CCDC157: variants seen among roughly 807,000 people sequenced by gnomAD.
CCDC157 encodes coiled-coil domain containing 157.
In CCDC157, 60 loss-of-function variants were observed where a neutral mutation model predicts 70.9. The observed-to-expected ratio is 0.85, with a 90% CI of 0.69 to 1.05. CCDC157 has a LOEUF of 1.05. CCDC157 is among the 50% of genes least tolerant of loss of function. CCDC157 has a pLI of 0.00. For missense variants in CCDC157, 943 were observed against 984.2 expected (o/e 0.96, Z 0.56); for synonymous variants, 373 against 422.4 (o/e 0.88, Z 1.43).
chr22:30,373,467 C>T (rs933821874), intron 7 of CCDC157, 130 bp from the exon 8 acceptor site: 1 of 1,004,336 alleles, frequency 1.0e-6, no homozygotes, highest in South Asian at 1.6e-5. Context: ...CCAGCATTCC[C>T]TAGACACAGA....
chr22:30,372,025 G>A (rs751003621), intron 6 of CCDC157, 50 bp from the exon 7 acceptor site: 3 of 1,270,728 alleles, frequency 2.4e-6, no homozygotes, highest in Non-Finnish European at 3.3e-6. Flanking sequence ...GTCTGAGGTA[G>A]TACAGCGCTC....
chr22:30,371,409 G>A, intron 5 of CCDC157: 1 of 559,140 alleles, frequency 1.8e-6, no homozygotes, highest in African/African-American at 1.9e-5. Context: ...CCTCATCACA[G>A]TTGCCTCCAT....
upstream of CCDC157, chr22:30,356,895 GGCGGCCGAGCGAGTT>G (rs1428275148): frequency 3.2e-5 from 34 of 1,066,508 alleles, no homozygotes; most frequent in Non-Finnish European, 3.6e-5. Context: ...GCAAGATGGC[GGCGGCCGAGCGAGTT>G]GCGGCCGCGA....
At chr22:30,356,898 G>T (rs1397214671), upstream of CCDC157, 2 of 1,035,826 alleles carry the variant, frequency 1.9e-6, no homozygotes, top group Non-Finnish European at 2.5e-6. Context: ...AGATGGCGGC[G>T]GCCGAGCGAG....
rs769007761 is a variant in CCDC157 at position 30,369,574 on chromosome 22, G to A, written c.391G>A (p.Gly131Ser). 15 of 1,587,082 alleles carry A rather than the reference G, an allele frequency of 9.5e-6. No individual in the cohort carries two copies. In the Admixed American group the frequency reaches 2.5e-4, roughly 26 times the overall value. Residue 131 changes from glycine to serine, a missense_variant, in exon 4 of 12, where the codon GGC (glycine) becomes AGC (serine). Gly to Ser is a moderately conservative substitution (Grantham distance 56). Transcript: ENST00000338306. ...CTTCTGGGACAGCCTGCTGAGGCTGGGCACGCTCCACCAGCAGCCACTCCC... is the reference window on the plus strand; with the variant it reads ...CTTCTGGGACAGCCTGCTGAGGCTGAGCACGCTCCACCAGCAGCCACTCCC... ...RRFWDSLLRL[G>S]TLHQQPLPQK... is the part of the protein sequence containing the mutation.
At chr22:30,369,940 G>A in intron 4 of CCDC157, 1 of 460,226 alleles carries the variant, frequency 2.2e-6, no homozygotes, top group Non-Finnish European at 3.9e-6. Context: ...ACCACCCACT[G>A]GGGAAGAACC....
chr22:30,378,154 C>A lies in CCDC157; in HGVS notation c.*1409C>A. 2.1e-6 allele frequency: 1 copy of A among 471,086 alleles called. No individual in the cohort carries two copies. Among genetic ancestry groups the A allele is most frequent in the Non-Finnish European group, 4.4e-6 (1 of 227,004 alleles). 29.2% of individuals were successfully genotyped at this position (471,086 alleles called of 1,614,324 possible). A position where few individuals can be genotyped will look rare whatever the true frequency, so the allele number is the denominator to read the frequency against. On this transcript the variant is annotated 3_prime_UTR_variant, in exon 12 of 12. Coordinates refer to ENST00000338306, the MANE Select transcript of CCDC157 (RefSeq NM_001017437.5). Reference sequence around the variant, plus strand: ...GGGGCTCCCTCCATCTTCAAGTCAACAACAGAGGATTTCTCATGTGCTGAA... The same window carrying A: ...GGGGCTCCCTCCATCTTCAAGTCAAAAACAGAGGATTTCTCATGTGCTGAA...
In CCDC157 at chr22:30,376,304, C is replaced by A; in HGVS notation, c.1903C>A (p.Gln635Lys). ...CTGGTCCCCTTCCAGCAAGGGAACC[C>A]AGGGAGCAACACCACCAGTCCAGGC... ...RLWSPSSKGT[Q>K]GATPPVQAKS... Residue 635 changes from glutamine (Q) to lysine (K), a missense_variant, in exon 11 of 12, where the codon CAG becomes AAG. By Grantham distance (53) the Gln-to-Lys change is moderately conservative. Transcript: ENST00000338306. 1 of 1,613,660 alleles carries A rather than the reference C, an allele frequency of 6.2e-7. No individual in the cohort carries two copies. The highest frequency in any genetic ancestry group is 1.3e-5 in the African/African-American group (1 of 74,886).
At chr22:30,371,793 G>A (rs1022964145) in intron 6 of CCDC157, 66 bp downstream of exon 6, 54 of 1,331,530 alleles carry the variant, frequency 4.1e-5, no homozygotes, top group Non-Finnish European at 5.3e-5. Context: ...GATGAGCATC[G>A]TCCATCTCTG....
rs1454025876 is a variant in CCDC157, at chr22:30,378,108, G to A, written c.*1363G>A. 2.1e-6 allele frequency: 1 copy of A among 470,952 alleles called. No homozygotes were observed. Among genetic ancestry groups the A allele is most frequent in the Non-Finnish European group, 4.4e-6 (1 of 227,046 alleles). 29.2% of individuals were successfully genotyped at this position (470,952 alleles called of 1,614,324 possible). The stretch of plus-strand genomic sequence containing the variant: ...CCAGGTCCTCTCACGGCTCCTAGAG[G>A]CCGTCCACCTTCCTTGCCATGGGGC... On this transcript the variant is annotated 3_prime_UTR_variant, in exon 12 of 12. Transcript: ENST00000338306.
chr22:30,365,633 G>A (rs1407480320), intron 2 of CCDC157, among the ~76,000 whole-genome samples: 3 of 152,290 alleles, frequency 2.0e-5, no homozygotes, highest in East Asian at 1.9e-4. Context: ...TCTCAGTTGT[G>A]TGTGCCCTGT....
At chr22:30,376,065 A>T in intron 10 of CCDC157, 194 bp from the exon 11 acceptor site, 1 of 582,420 alleles carries the variant, frequency 1.7e-6, no homozygotes, top group Non-Finnish European at 3.0e-6. Context: ...ACCTCCCCAC[A>T]CTTGCTGCCT....
At position 30,370,407 on chromosome 22, in the gene CCDC157, A is replaced by G. The variant is rs1932883278; in HGVS notation, c.502A>G (p.Thr168Ala). ...AGCCAGGAGCCCTGAATATCTGACT[A>G]CCAAGTTAATCAAGCCCTCCTCCCC... ...EPARSPEYLT[T>A]KLIKPSSPVL... Residue 168 changes from threonine (T) to alanine (A), a missense_variant, in exon 5 of 12, where the codon ACC (threonine) becomes GCC (alanine). Coordinates refer to ENST00000338306, the MANE Select transcript of CCDC157 (RefSeq NM_001017437.5). The G allele has an allele frequency of 6.2e-7, 1 of 1,614,078 alleles. No homozygotes were observed. The highest frequency in any genetic ancestry group is 8.5e-7 in the Non-Finnish European group (1 of 1,180,020).
In CCDC157 at chr22:30,378,249, T is replaced by C. The variant is rs927255027; in HGVS notation, c.*1504T>C. The C allele has an allele frequency of 2.2e-6, 1 of 459,000 alleles. No individual in the cohort carries two copies. The highest frequency in any genetic ancestry group is 7.0e-5 in the East Asian group (1 of 14,266). The allele number at this position is 459,000 out of a possible 1,614,324, so 28.4% of individuals were successfully genotyped here. A position where few individuals can be genotyped will look rare whatever the true frequency, so the allele number is the denominator to read the frequency against. On this transcript the variant is annotated 3_prime_UTR_variant, in exon 12 of 12. Coordinates refer to ENST00000338306, the MANE Select transcript of CCDC157 (RefSeq NM_001017437.5). ...CAGAAAACTACTTTGAATAGGCTCA[T>C]GTGGTTAGGGCAAGGCTCACACTCA...
At chr22:30,373,823 G>A in intron 8 of CCDC157, 59 bp downstream of exon 8, 2 of 1,533,884 alleles carry the variant, frequency 1.3e-6, no homozygotes, top group East Asian at 4.9e-5. Flanking sequence ...AGTGCCTGCA[G>A]GCCTGTCCCA....
intron 7 of CCDC157, chr22:30,373,057 CTT>C (rs1408808956): frequency 2.6e-5 from 4 of 155,664 alleles, no homozygotes; most frequent in African/African-American, 7.2e-5. Context: ...GGTAGATACT[CTT>C]GTCACCCCCA....
intron 2 of CCDC157, among the ~76,000 whole-genome samples, chr22:30,364,103 C>T (rs1489197314): frequency 6.6e-6 from 1 of 152,166 alleles, no homozygotes; most frequent in East Asian, 1.9e-4. Context: ...TGAGACCAGC[C>T]TGGGCAACAC....
chr22:30,361,673 C>A (rs1316370860), intron 1 of CCDC157, among the ~76,000 whole-genome samples: 1 of 152,206 alleles, frequency 6.6e-6, no homozygotes. Context: ...ATCTCAACTT[C>A]CTGAGTGACC....
At chr22:30,363,169 C>T (rs1355681630) in intron 2 of CCDC157, among the ~76,000 whole-genome samples, 2 of 152,204 alleles carry the variant, frequency 1.3e-5, no homozygotes, top group African/African-American at 2.4e-5. Flanking sequence ...GGTGATAAGT[C>T]ACAGGAGGGA....
Sources: allele counts gnomAD v4.1 joint callset (sites outside exome capture counted in the v4.1 genomes callset), GRCh38; gene constraint gnomAD v4.1.1; transcripts MANE v1.5; gene names NCBI Gene and HGNC (gene_info 2026-07-23, HGNC 2026-07-21).